The following PTPN1 variants were observed in gnomAD, a reference collection of about 807,000 sequenced individuals.
PTPN1 encodes protein tyrosine phosphatase non-receptor type 1, also known as tyrosine-protein phosphatase non-receptor type 1.
A neutral mutation model predicts 59.9 loss-of-function variants in PTPN1; 12 were observed. The observed-to-expected ratio is 0.20, with a 90% CI of 0.13 to 0.32. The LOEUF (loss-of-function observed/expected upper bound fraction) is 0.32, where lower values mean the gene tolerates loss of function less well. Ranked by LOEUF, PTPN1 falls within the 10% of genes least tolerant of loss-of-function variation. The probability of loss-of-function intolerance (pLI) is 1.00; values close to 1 mark genes in which losing one functional copy is unlikely to be tolerated. For missense variants in PTPN1, 356 were observed against 549.2 expected (o/e 0.65, Z 3.52); for synonymous variants, 178 against 203.6 (o/e 0.87, Z 1.07).
At chr20:50,549,261 T>A (rs998701280) in intron 1 of PTPN1, among the ~76,000 whole-genome samples, 2 of 152,206 alleles carry the variant, frequency 1.3e-5, no homozygotes, top group African/African-American at 4.8e-5. Context: ...CATTGTTTTA[T>A]ATTTGGAGCA....
intron 5 of PTPN1, 123 bp from the exon 6 acceptor site, chr20:50,578,297 A>G: frequency 1.1e-6 from 1 of 899,674 alleles, no homozygotes; most frequent in Non-Finnish European, 1.7e-6. Context: ...CCTGGGAGAA[A>G]GTCTGAGAAT....
At position 50,582,565 on chromosome 20, in the gene PTPN1, A is replaced by AAAACC. The variant is rs1362719543; in HGVS notation, c.1285-123_1285-119dup. The stretch of plus-strand genomic sequence containing the variant: ...GGGAGAGGGGGCTACTGTAAAAAAT[A>AAAACC]AAACCAAAACCCCCTTTGCTCCCTC... On this transcript the variant is annotated intron_variant, in intron 9 of 9. Transcript: ENST00000371621. The surrounding 1 kb of genome is among the most constrained non-coding windows in gnomAD (Gnocchi z 4.2). 1 of 960,274 alleles carries AAAACC rather than the reference A, an allele frequency of 1.0e-6. No homozygotes were observed. The highest frequency in any genetic ancestry group is 1.6e-6 in the Non-Finnish European group (1 of 641,146). 59.5% of individuals were successfully genotyped at this position (960,274 alleles called of 1,614,324 possible). A position where few individuals can be genotyped will look rare whatever the true frequency, so the allele number is the denominator to read the frequency against.
chr20:50,578,679 T>A (rs762844801), intron 6 of PTPN1, 50 bp downstream of exon 6: 2 of 1,482,362 alleles, frequency 1.3e-6, no homozygotes, highest in Admixed American at 4.1e-5. Context: ...CCTGCTCTGC[T>A]GTGATGTTTT....
chr20:50,534,632 A>G (rs1037426545), intron 1 of PTPN1, among the ~76,000 whole-genome samples: 9 of 152,138 alleles, frequency 5.9e-5, no homozygotes, highest in African/African-American at 1.4e-4. Flanking sequence ...ATTTGTATCT[A>G]TTCCTTAGTT....
At chr20:50,580,597 G>A (rs1375664504) in intron 8 of PTPN1, among the ~76,000 whole-genome samples, 1 of 152,232 alleles carries the variant, frequency 6.6e-6, no homozygotes, top group Non-Finnish European at 1.5e-5. Flanking sequence ...ATGAGCAGGT[G>A]TTAGTTCCAG....
chr20:50,548,838 C>G (rs963977440), intron 1 of PTPN1, among the ~76,000 whole-genome samples: 1 of 152,184 alleles, frequency 6.6e-6, no homozygotes, highest in Non-Finnish European at 1.5e-5. Context: ...TTGCCTCAGC[C>G]TCCTGAGTAC....
rs1345348491 is a variant in PTPN1 at position 50,514,571 on chromosome 20, G to A, written c.63+3981G>A. ...AATAGAAATGGGGTTTTGCTGTGTTGCCCAGGTTGGTCTTGAACTCCTGGC... is the reference window on the plus strand; with the variant it reads ...AATAGAAATGGGGTTTTGCTGTGTTACCCAGGTTGGTCTTGAACTCCTGGC... On this transcript the variant is annotated intron_variant, in intron 1 of 9. Transcript: ENST00000371621. Among the ~76,000 whole-genome samples, 4 of 151,978 alleles carry A rather than the reference G, an allele frequency of 2.6e-5. No individual in the cohort carries two copies. The East Asian group carries it at 7.7e-4, about 29-fold the overall frequency.
At position 50,582,563 on chromosome 20, in the gene PTPN1, A is replaced by G; in HGVS notation, c.1285-129A>G. Reference sequence around the variant, plus strand: ...TGGGGAGAGGGGGCTACTGTAAAAAATAAAACCAAAACCCCCTTTGCTCCC... The same window carrying G: ...TGGGGAGAGGGGGCTACTGTAAAAAGTAAAACCAAAACCCCCTTTGCTCCC... On this transcript the variant is annotated intron_variant, in intron 9 of 9. Transcript: ENST00000371621. This position sits in a 1 kb window ranked among gnomAD's most constrained non-coding sequence, Gnocchi z 4.2. 2.1e-6 allele frequency: 2 copies of G among 954,882 alleles called. No homozygotes were observed. Among genetic ancestry groups the G allele is most frequent in the Non-Finnish European group, 3.1e-6 (2 of 636,542 alleles). The allele number at this position is 954,882 out of a possible 1,614,324, so 59.2% of individuals were successfully genotyped here. A position where few individuals can be genotyped will look rare whatever the true frequency, so the allele number is the denominator to read the frequency against.
intron 5 of PTPN1, among the ~76,000 whole-genome samples, chr20:50,575,555 C>T (rs1327398827): frequency 6.6e-6 from 1 of 152,216 alleles, no homozygotes; most frequent in Non-Finnish European, 1.5e-5. Flanking sequence ...GGGGAGGGAT[C>T]TGCTTCTGGG....
chr20:50,572,258 A>C (rs190269417), intron 4 of PTPN1: 2 of 152,344 alleles, frequency 1.3e-5, no homozygotes, highest in East Asian at 3.9e-4. Context: ...TGTTCTAATA[A>C]AAATCCATCT....
intron 1 of PTPN1, among the ~76,000 whole-genome samples, chr20:50,532,573 A>G (rs914969946): frequency 6.6e-6 from 1 of 152,228 alleles, no homozygotes; most frequent in Admixed American, 6.5e-5. Context: ...GAACCTATAT[A>G]ATCTGCAATA....
intron 1 of PTPN1, among the ~76,000 whole-genome samples, chr20:50,546,728 A>G (rs1237135604): frequency 6.6e-6 from 1 of 152,226 alleles, no homozygotes; most frequent in Non-Finnish European, 1.5e-5. Context: ...ATGGTTCTCC[A>G]TACTTCAGGG....
chr20:50,583,904 C>T lies in PTPN1; in HGVS notation c.*1189C>T, dbSNP rs914137984. 6.6e-6 allele frequency: 1 copy of T among 152,650 alleles called. No individual in the cohort carries two copies. The highest frequency in any genetic ancestry group is 1.5e-5 in the Non-Finnish European group (1 of 68,074). 9.5% of individuals were successfully genotyped at this position (152,650 alleles called of 1,614,324 possible). On this transcript the variant is annotated 3_prime_UTR_variant, in exon 10 of 10. Coordinates refer to ENST00000371621, the MANE Select transcript of PTPN1 (RefSeq NM_002827.4). The stretch of plus-strand genomic sequence containing the variant: ...GCCTCCGCCATTCCAAGTCAACACT[C>T]TTCTTGAGCAGACCGTGATTTGGAA...
intron 1 of PTPN1, among the ~76,000 whole-genome samples, chr20:50,540,354 C>G (rs6012960): frequency 1.3e-5 from 2 of 152,172 alleles, no homozygotes; most frequent in African/African-American, 2.4e-5. Flanking sequence ...TGTGCCCAGC[C>G]TTATTAAAAA....
At chr20:50,552,838 C>T (rs951590471) in intron 1 of PTPN1, among the ~76,000 whole-genome samples, 1 of 152,056 alleles carries the variant, frequency 6.6e-6, no homozygotes, top group Non-Finnish European at 1.5e-5. Flanking sequence ...ACATGCCGTG[C>T]GTCCTCCTAC....
chr20:50,572,025 T>C (rs913161281), intron 4 of PTPN1: 4 of 152,256 alleles, frequency 2.6e-5, no homozygotes, highest in African/African-American at 9.6e-5. Flanking sequence ...GTGTTAATAA[T>C]TTTTGGCGAA....
intron 3 of PTPN1, among the ~76,000 whole-genome samples, chr20:50,567,414 G>A (rs1014323071): frequency 2.6e-5 from 4 of 152,072 alleles, no homozygotes; most frequent in East Asian, 1.9e-4. Flanking sequence ...GTGATGGAGC[G>A]AGACTCTGCC....
chr20:50,529,620 A>G (rs1207998840), intron 1 of PTPN1, among the ~76,000 whole-genome samples: 1 of 152,112 alleles, frequency 6.6e-6, no homozygotes, highest in African/African-American at 2.4e-5. Flanking sequence ...TTCTTAATAT[A>G]TTATCCTTAG....
At chr20:50,521,888 G>C (rs1321243872) in intron 1 of PTPN1, among the ~76,000 whole-genome samples, 6 of 152,144 alleles carry the variant, frequency 3.9e-5, no homozygotes, top group Admixed American at 3.9e-4. Flanking sequence ...TGTGTGCGTT[G>C]CAGAGTTTAC....
Sources: gnomAD v4.1 joint callset for allele counts (sites outside exome capture counted in the v4.1 genomes callset) on GRCh38, gnomAD v4.1.1 for gene constraint, Gnocchi (gnomAD v3.1) non-coding constraint, MANE v1.5 for transcripts, NCBI Gene and HGNC (gene_info 2026-07-23, HGNC 2026-07-21) for gene names.